AKR1B1: variants seen among roughly 807,000 people sequenced by gnomAD.
The protein encoded by AKR1B1 is aldo-keto reductase family 1 member B.
Under a neutral mutation model 40.4 loss-of-function variants are expected in AKR1B1, and 22 were observed. The ratio of observed to expected loss-of-function variants is 0.54; its 90% confidence interval spans 0.39 to 0.78. The LOEUF (loss-of-function observed/expected upper bound fraction) is 0.78. Ranked by LOEUF, AKR1B1 falls within the 30% of genes least tolerant of loss-of-function variation. The pLI is 0.00. For missense variants in AKR1B1, 357 were observed against 396.7 expected (o/e 0.90, Z 0.85); for synonymous variants, 157 against 149.9 (o/e 1.05, Z -0.35).
rs869235235 is a variant in AKR1B1 at position 134,448,290 on chromosome 7, AC to A, written c.659+96del. The A allele has an allele frequency of 1.4e-5, 16 of 1,175,814 alleles. No homozygotes were observed. In the East Asian group the frequency reaches 2.4e-4, roughly 17 times the overall value. 72.8% of individuals were successfully genotyped at this position (1,175,814 alleles called of 1,614,324 possible). A position where few individuals can be genotyped will look rare whatever the true frequency, so the allele number is the denominator to read the frequency against. On this transcript the variant is annotated intron_variant, in intron 6 of 9. Transcript: ENST00000285930. ...AGGCTCAGGGGAAGTTTTGCAGATC[AC>A]CCCCAGAAACATCTTCCTTGAGGCT... is the stretch of plus-strand genomic sequence containing the variant.
intron 1 of AKR1B1, 61 bp downstream of exon 1, chr7:134,458,936 A>C: frequency 6.5e-7 from 1 of 1,546,444 alleles, no homozygotes. Flanking sequence ...GTCCCTCGCC[A>C]ATACAGGCCG....
rs1315694035 is a variant in AKR1B1 at position 134,447,176 on chromosome 7, C to A, written c.825+122G>T. The A allele has an allele frequency of 3.2e-6, 3 of 930,184 alleles. No individual in the cohort carries two copies. In the East Asian group the frequency reaches 7.8e-5, roughly 24 times the overall value. 57.6% of individuals were successfully genotyped at this position (930,184 alleles called of 1,614,324 possible). A position where few individuals can be genotyped will look rare whatever the true frequency, so the allele number is the denominator to read the frequency against. The stretch of plus-strand genomic sequence containing the variant: ...CAGTCTTGGCTTGCTCGCCACAGCT[C>A]CCTGGCCTCAGAAGAGAGGATGGTG... On this transcript the variant is annotated intron_variant, in intron 8 of 9. Coordinates refer to ENST00000285930, the MANE Select transcript of AKR1B1 (RefSeq NM_001628.4).
intron 8 of AKR1B1, among the ~76,000 whole-genome samples, chr7:134,446,100 G>A (rs1467885518): frequency 1.3e-5 from 2 of 152,216 alleles, no homozygotes; most frequent in Admixed American, 6.5e-5. Flanking sequence ...ACAGTAAGAT[G>A]CAAAAATAAA....
At chr7:134,444,834 A>G (rs1806048400) in intron 9 of AKR1B1, 1 of 319,964 alleles carries the variant, frequency 3.1e-6, no homozygotes, top group Non-Finnish European at 6.1e-6. Context: ...CTCAAACCTC[A>G]GCCCCAGGGG....
intron 1 of AKR1B1, among the ~76,000 whole-genome samples, chr7:134,458,293 G>C (rs1269212847): frequency 6.6e-6 from 1 of 152,050 alleles, no homozygotes; most frequent in Non-Finnish European, 1.5e-5. Flanking sequence ...GCTAACCTTG[G>C]CGCCTCCTGA....
chr7:134,451,088 C>T, intron 2 of AKR1B1, 186 bp from the exon 3 acceptor site: 3 of 675,798 alleles, frequency 4.4e-6, no homozygotes, highest in Non-Finnish European at 8.1e-6. Context: ...GACCAGGTCA[C>T]AGAGACCTCT....
intron 1 of AKR1B1, 33 bp from the exon 2 acceptor site, chr7:134,451,786 T>C (rs779569031): frequency 7.5e-6 from 12 of 1,608,880 alleles, no homozygotes; most frequent in Non-Finnish European, 9.3e-6. Context: ...CCCCGCAGAA[T>C]GCAGAGTCTG....
chr7:134,446,080 C>G (rs1440170307), intron 8 of AKR1B1, among the ~76,000 whole-genome samples: 1 of 152,196 alleles, frequency 6.6e-6, no homozygotes, highest in African/African-American at 2.4e-5. Flanking sequence ...GAAAAATGTG[C>G]AAAAGCTATA....
chr7:134,458,639 T>C (rs909314882), intron 1 of AKR1B1, among the ~76,000 whole-genome samples: 5 of 152,160 alleles, frequency 3.3e-5, no homozygotes, highest in African/African-American at 9.7e-5. Context: ...TGAAGCCCAC[T>C]TTCCCCGCCT....
At chr7:134,448,365 C>T in intron 6 of AKR1B1, 22 bp downstream of exon 6, 1 of 1,568,490 alleles carries the variant, frequency 6.4e-7, no homozygotes, top group Non-Finnish European at 8.8e-7. Flanking sequence ...GACACAGGAG[C>T]ATGAGCCTGT....
At chr7:134,456,745 G>C (rs1806484517) in intron 1 of AKR1B1, among the ~76,000 whole-genome samples, 1 of 151,084 alleles carries the variant, frequency 6.6e-6, no homozygotes, top group Non-Finnish European at 1.5e-5. Context: ...GCCAGGCACT[G>C]TGAGAAGTGC....
At chr7:134,447,611 A>G (rs1480478311) in intron 7 of AKR1B1, 6 of 638,884 alleles carry the variant, frequency 9.4e-6, no homozygotes, top group Admixed American at 4.6e-5. Context: ...TCAGTGTCTC[A>G]GGCATATCAT....
Position 134,450,772 on chromosome 7 carries a change from C to T in AKR1B1, c.351+14G>A, listed in dbSNP as rs1205500468. 6.2e-7 allele frequency: 1 copy of T among 1,607,570 alleles called. No individual in the cohort carries two copies. The highest frequency in any genetic ancestry group is 1.7e-5 in the Admixed American group (1 of 60,010). On this transcript the variant is annotated intron_variant, in intron 3 of 9. Coordinates refer to ENST00000285930, the MANE Select transcript of AKR1B1 (RefSeq NM_001628.4). ...GAGCCCCAAGGGACCTGGTCTGCACCAGGCATCCCATACCTTAAAGCCAGT... is the reference window on the plus strand; with the variant it reads ...GAGCCCCAAGGGACCTGGTCTGCACTAGGCATCCCATACCTTAAAGCCAGT...
At chr7:134,455,104 C>G (rs1328898666) in intron 1 of AKR1B1, among the ~76,000 whole-genome samples, 1 of 152,188 alleles carries the variant, frequency 6.6e-6, no homozygotes, top group East Asian at 1.9e-4. Flanking sequence ...AAGCTTACCC[C>G]ACTTGGGGAA....
Position 134,442,640 on chromosome 7 carries a change from G to A in AKR1B1, c.*88C>T, listed in dbSNP as rs1805971659. The stretch of plus-strand genomic sequence containing the variant: ...ACAGGTTGCTGTCCCACTGCTGAGT[G>A]ACACAGGCCATACTACATTTGCAAG... On this transcript the variant is annotated 3_prime_UTR_variant, in exon 10 of 10. Coordinates refer to ENST00000285930, the MANE Select transcript of AKR1B1 (RefSeq NM_001628.4). 1 of 1,382,304 alleles carries A rather than the reference G, an allele frequency of 7.2e-7. No individual in the cohort carries two copies. The highest frequency in any genetic ancestry group is 1.2e-5 in the South Asian group (1 of 83,920). 85.6% of individuals were successfully genotyped at this position (1,382,304 alleles called of 1,614,324 possible).
intron 7 of AKR1B1, 40 bp downstream of exon 7, chr7:134,447,940 G>T: frequency 6.5e-7 from 1 of 1,548,414 alleles, no homozygotes; most frequent in Non-Finnish European, 8.9e-7. Flanking sequence ...CAGGAATGCA[G>T]GCAGTTGTGG....
chr7:134,447,252 C>T, intron 8 of AKR1B1, 46 bp downstream of exon 8: 1 of 1,502,440 alleles, frequency 6.7e-7, no homozygotes, highest in Non-Finnish European at 9.3e-7. Context: ...CTCCCCCATC[C>T]CCCACTCCAT....
chr7:134,444,173 C>T (rs1437344222), intron 9 of AKR1B1, among the ~76,000 whole-genome samples: 1 of 152,166 alleles, frequency 6.6e-6, no homozygotes, highest in Non-Finnish European at 1.5e-5. Context: ...CCACTAGATC[C>T]AAAAATGATT....
chr7:134,450,803 A>G lies in AKR1B1; in HGVS notation c.334T>C (p.Trp112Arg). The stretch of plus-strand genomic sequence containing the variant: ...TCCCATACCTTAAAGCCAGTCGGCC[A>G]GTGAATAAGGTAGAGGTCCAGGTAG... ...LDYLDLYLIH[W>R]PTGFKPGKEF... Residue 112 changes from tryptophan (W) to arginine (R), a missense_variant, in exon 3 of 10, where the codon TGG (tryptophan) becomes CGG (arginine). Trp to Arg is a moderately radical substitution (Grantham distance 101). Transcript: ENST00000285930. 1 of 1,613,990 alleles carries G rather than the reference A, an allele frequency of 6.2e-7. No individual in the cohort carries two copies. The highest frequency in any genetic ancestry group is 8.5e-7 in the Non-Finnish European group (1 of 1,179,956).
Sources: gnomAD v4.1 joint callset for allele counts (sites outside exome capture counted in the v4.1 genomes callset) on GRCh38, gnomAD v4.1.1 for gene constraint, MANE v1.5 for transcripts, NCBI Gene and HGNC (gene_info 2026-07-23, HGNC 2026-07-21) for gene names.